GRHL2: variants seen among roughly 807,000 people sequenced by gnomAD.
The protein encoded by GRHL2 is grainyhead-like protein 2 homolog.
In GRHL2, 21 loss-of-function variants were observed where a neutral mutation model predicts 83.8. The observed-to-expected ratio is 0.25, with a 90% CI of 0.18 to 0.36. The LOEUF (loss-of-function observed/expected upper bound fraction) is 0.36, where lower values mean the gene tolerates loss of function less well. GRHL2 is among the 10% of genes least tolerant of loss of function. The pLI is 1.00. For missense variants in GRHL2, 623 were observed against 781.8 expected (o/e 0.80, Z 2.42); for synonymous variants, 280 against 278.9 (o/e 1.00, Z -0.04).
chr8:101,604,019 CA>C (rs541635465), intron 8 of GRHL2, among the ~76,000 whole-genome samples: 194 of 91,730 alleles, frequency 2.1e-3, no homozygotes, highest in Middle Eastern at 6.5e-3. Context: ...TTTTTTTTTG[CA>C]AAAAAAAAAA....
chr8:101,547,693 T>G (rs989123800), intron 2 of GRHL2, among the ~76,000 whole-genome samples: 2 of 152,256 alleles, frequency 1.3e-5, no homozygotes, highest in Non-Finnish European at 2.9e-5. Context: ...TGTTTTACAA[T>G]GTCCACCATT....
At chr8:101,627,078 TG>T (rs769724325) in intron 9 of GRHL2, among the ~76,000 whole-genome samples, 4 of 152,114 alleles carry the variant, frequency 2.6e-5, no homozygotes, top group Admixed American at 6.6e-5. Flanking sequence ...GTTAATTCTT[TG>T]GGTTTGGCAT....
intron 2 of GRHL2, among the ~76,000 whole-genome samples, chr8:101,548,636 C>T (rs956058183): frequency 2.6e-5 from 4 of 152,048 alleles, no homozygotes; most frequent in African/African-American, 9.7e-5. Context: ...GTTTGATGTG[C>T]CTGCAGGATG....
the GRHL2 span, among the ~76,000 whole-genome samples, chr8:101,681,086 C>T: frequency 6.9e-6 from 1 of 144,866 alleles, no homozygotes; most frequent in African/African-American, 2.6e-5. Context: ...CAGAGCAGAA[C>T]TGAAGGAAAT....
chr8:101,652,378 G>GTA (rs1813656890), intron 14 of GRHL2, among the ~76,000 whole-genome samples: 1 of 100,388 alleles, frequency 1.0e-5, no homozygotes, highest in African/African-American at 6.3e-5. Flanking sequence ...TGTCTGATGT[G>GTA]TGTGTGGTGT....
intron 1 of GRHL2, among the ~76,000 whole-genome samples, chr8:101,517,341 T>G (rs1349741809): frequency 1.3e-5 from 2 of 152,194 alleles, no homozygotes; most frequent in Non-Finnish European, 2.9e-5. Context: ...TATTCTCTGC[T>G]GAGGATGATT....
At chr8:101,521,537 T>G (rs190446716) in intron 1 of GRHL2, among the ~76,000 whole-genome samples, 47 of 152,268 alleles carry the variant, frequency 3.1e-4, no homozygotes, top group Non-Finnish European at 5.6e-4. Flanking sequence ...TATATTCTTC[T>G]GTCAGAGCTT....
intron 8 of GRHL2, among the ~76,000 whole-genome samples, chr8:101,611,552 A>T (rs778444135): frequency 6.6e-6 from 1 of 150,690 alleles, no homozygotes; most frequent in Non-Finnish European, 1.5e-5. Context: ...GACCTGTCTC[A>T]CTTGCCCAGC....
At chr8:101,578,534 AG>A (rs1811980590) in intron 7 of GRHL2, among the ~76,000 whole-genome samples, 1 of 152,338 alleles carries the variant, frequency 6.6e-6, no homozygotes, top group South Asian at 2.1e-4. Flanking sequence ...TAGATCTTAA[AG>A]CTTCCAAAAA....
chr8:101,662,101 AT>A (rs1215672580), intron 14 of GRHL2, among the ~76,000 whole-genome samples: 1 of 152,244 alleles, frequency 6.6e-6, no homozygotes, highest in Non-Finnish European at 1.5e-5. Flanking sequence ...TCATATTTGT[AT>A]ATCAGAATTT....
intron 1 of GRHL2, among the ~76,000 whole-genome samples, chr8:101,520,793 A>G (rs574366038): frequency 6.6e-6 from 1 of 152,304 alleles, no homozygotes; most frequent in Admixed American, 6.5e-5. Context: ...ATTATGGTCC[A>G]GCTATACTGC....
chr8:101,595,754 T>C (rs951487558), intron 7 of GRHL2, among the ~76,000 whole-genome samples: 3 of 130,294 alleles, frequency 2.3e-5, no homozygotes, highest in Non-Finnish European at 3.6e-5. Flanking sequence ...GTAAGGAAAC[T>C]GAATACCCTA....
At chr8:101,527,242 T>C (rs1348211026) in intron 1 of GRHL2, among the ~76,000 whole-genome samples, 4 of 152,248 alleles carry the variant, frequency 2.6e-5, no homozygotes, top group Non-Finnish European at 5.9e-5. Context: ...TAGTAATTGT[T>C]ACCCTTGAAC....
rs1563627612 is a variant in GRHL2, at chr8:101,652,574, G to GGT, written c.1698+3083_1698+3084dup. On this transcript the variant is annotated intron_variant, in intron 14 of 15. Coordinates refer to ENST00000646743, the MANE Select transcript of GRHL2 (RefSeq NM_024915.4). ...TGTGTATGTGTGGTGGTGTGTGTGT[G>GGT]GTGTGTGTGGTGTCTGTGTGTGTGT... Among the ~76,000 whole-genome samples the GGT allele has an allele frequency of 7.6e-4, 67 of 87,822 alleles. 6 individuals carry two copies. In the East Asian group the frequency reaches 0.014, roughly 19 times the overall value. 57.6% of individuals were successfully genotyped at this position (87,822 alleles called of 152,430 possible).
At chr8:101,648,653 C>T (rs1813561050) in intron 13 of GRHL2, among the ~76,000 whole-genome samples, 3 of 152,318 alleles carry the variant, frequency 2.0e-5, no homozygotes, top group Admixed American at 6.5e-5. Flanking sequence ...CCGTGGGACT[C>T]CACATCCTAA....
chr8:101,541,757 G>A (rs1168306013), intron 1 of GRHL2, among the ~76,000 whole-genome samples: 1 of 152,126 alleles, frequency 6.6e-6, no homozygotes. Flanking sequence ...CCCAGCAGGG[G>A]AAATGCTGAG....
At chr8:101,590,873 T>C (rs867391118) in intron 7 of GRHL2, among the ~76,000 whole-genome samples, 1 of 152,226 alleles carries the variant, frequency 6.6e-6, no homozygotes, top group Admixed American at 6.5e-5. Flanking sequence ...CCAGACAGAA[T>C]CCGCACCTTT....
intron 7 of GRHL2, among the ~76,000 whole-genome samples, chr8:101,580,675 A>T (rs1812032529): frequency 6.6e-6 from 1 of 152,172 alleles, no homozygotes; most frequent in African/African-American, 2.4e-5. Flanking sequence ...CAAAATGTGC[A>T]CCATTTTTAT....
chr8:101,665,207 T>G (rs1391039665), intron 15 of GRHL2, among the ~76,000 whole-genome samples: 1 of 152,154 alleles, frequency 6.6e-6, no homozygotes, highest in African/African-American at 2.4e-5. Context: ...TCCTCAAAGC[T>G]CAAGTGCTTA....
Sources: allele counts gnomAD v4.1 joint callset (sites outside exome capture counted in the v4.1 genomes callset), GRCh38; gene constraint gnomAD v4.1.1; transcripts MANE v1.5; gene names NCBI Gene and HGNC (gene_info 2026-07-23, HGNC 2026-07-21).